Variants in ARFGEF2 observed in about 807,000 individuals in gnomAD.
ARFGEF2 encodes ARF guanine nucleotide exchange factor 2.
ARFGEF2 carries 74 observed loss-of-function variants against 219.9 expected under a neutral mutation model. The observed-to-expected ratio is 0.34, with a 90% CI of 0.28 to 0.41. The LOEUF is 0.41. Ranked by LOEUF, ARFGEF2 falls within the 10% of genes least tolerant of loss-of-function variation. The pLI, the probability that ARFGEF2 is intolerant of heterozygous loss-of-function variation, is 1.00. For synonymous variants in ARFGEF2, 733 were observed against 799.2 expected (o/e 0.92, Z 1.40); for missense variants, 1,743 against 2,218.3 (o/e 0.79, Z 4.30).
intron 1 of ARFGEF2, among the ~76,000 whole-genome samples, chr20:48,927,460 G>A (rs553178836): frequency 2.0e-5 from 3 of 152,240 alleles, no homozygotes; most frequent in South Asian, 2.1e-4. Context: ...AGGTCGAGGC[G>A]GGCGGCTCAG....
intron 35 of ARFGEF2, among the ~76,000 whole-genome samples, 161 bp downstream of exon 35, chr20:49,023,342 C>G (rs193168771): frequency 6.6e-6 from 1 of 152,100 alleles, no homozygotes. Flanking sequence ...TTAAAATTGG[C>G]CTTGATGGGA....
intron 14 of ARFGEF2, 22 bp from the exon 15 acceptor site, chr20:48,984,707 G>A (rs2091316620): frequency 6.2e-7 from 1 of 1,614,018 alleles, no homozygotes; most frequent in Non-Finnish European, 8.5e-7. Flanking sequence ...AGCAACTTGT[G>A]TCCCATCTCT....
At chr20:49,003,253 C>A (rs2091436235) in intron 25 of ARFGEF2, among the ~76,000 whole-genome samples, 1 of 151,380 alleles carries the variant, frequency 6.6e-6, no homozygotes, top group Non-Finnish European at 1.5e-5. Context: ...CAAGTGTGAG[C>A]CACCACACCC....
intron 20 of ARFGEF2, among the ~76,000 whole-genome samples, chr20:48,990,670 A>C (rs1366865269): frequency 6.6e-6 from 1 of 152,224 alleles, no homozygotes; most frequent in Non-Finnish European, 1.5e-5. Flanking sequence ...TCTCTGAGAC[A>C]CCAATTCATT....
chr20:48,985,552 G>A lies in ARFGEF2; in HGVS notation c.2215G>A (p.Ala739Thr). ...AGAAGGTTTCCGCCTACCTGGAGAA[G>A]CCCAAAAGATTGACCGATTAATGGA... ...FLEGFRLPGE[A>T]QKIDRLMEKF... Residue 739 changes from alanine to threonine, a missense_variant, in exon 16 of 39, where the codon GCC (alanine) becomes ACC (threonine). Around this residue, in one of 5 missense-constraint regions of ARFGEF2, gnomAD observed 666 missense variants for 955.4 expected, o/e 0.70. Transcript: ENST00000371917. The A allele has an allele frequency of 6.2e-7, 1 of 1,614,192 alleles. No homozygotes were observed. The highest frequency in any genetic ancestry group is 2.2e-5 in the East Asian group (1 of 44,884).
chr20:49,011,850 T>TGTGC (rs2091500597), intron 27 of ARFGEF2, 74 bp from the exon 28 acceptor site: 9 of 1,410,076 alleles, frequency 6.4e-6, no homozygotes, highest in Middle Eastern at 1.8e-4. Flanking sequence ...TGTGTGTGTG[T>TGTGC]GCACGCACGT....
Position 48,953,683 on chromosome 20 carries a change from C to T in ARFGEF2, c.731C>T (p.Thr244Ile). The change falls in exon 6 of 39, where the codon ACT (threonine) becomes ATT (isoleucine). Residue 244 changes from threonine to isoleucine, a missense_variant. Around this residue, in one of 5 missense-constraint regions of ARFGEF2, gnomAD observed 394 missense variants for 426.6 expected, o/e 0.92. Transcript: ENST00000371917. ...AGTCAGGCACAAAGCAAACCAACAA[C>T]TCCCGAAAAAACAGATTTAACCAAC... ...KHSQAQSKPT[T>I]PEKTDLTNGE... The T allele has an allele frequency of 1.9e-6, 3 of 1,614,140 alleles. No homozygotes were observed. Among genetic ancestry groups the T allele is most frequent in the Non-Finnish European group, 2.5e-6 (3 of 1,180,028 alleles).
chr20:48,938,662 A>G (rs1420444732), intron 1 of ARFGEF2, among the ~76,000 whole-genome samples: 2 of 152,124 alleles, frequency 1.3e-5, no homozygotes, highest in African/African-American at 4.8e-5. Flanking sequence ...ACCAGATCTT[A>G]TTTTTTCTAT....
At chr20:48,993,327 C>T (rs183027554) in intron 21 of ARFGEF2, among the ~76,000 whole-genome samples, 173 of 152,272 alleles carry the variant, frequency 1.1e-3, no homozygotes, top group Middle Eastern at 3.4e-3. Flanking sequence ...GTATTGGTGA[C>T]GTACTTGAGA....
intron 34 of ARFGEF2, among the ~76,000 whole-genome samples, chr20:49,020,696 T>G (rs1057205434): frequency 1.3e-5 from 2 of 152,210 alleles, no homozygotes; most frequent in African/African-American, 4.8e-5. Context: ...TCCTCCTGCC[T>G]TGGCCTCCCA....
In ARFGEF2 at chr20:48,976,026, G is replaced by A. The variant is rs1377999843; in HGVS notation, c.1785G>A (p.Arg595=). The A allele has an allele frequency of 3.7e-6, 6 of 1,612,168 alleles. No individual in the cohort carries two copies. The highest frequency in any genetic ancestry group is 1.3e-5 in the African/African-American group (1 of 74,808). ...TTTGTTTCTCCGCAGGTCAGGAGAGGCTCACGGATCAGGAAATAGGGGATG... is the reference window on the plus strand; with the variant it reads ...TTTGTTTCTCCGCAGGTCAGGAGAGACTCACGGATCAGGAAATAGGGGATG... ...PNHQTSLGQE[R]LTDQEIGDGK... Residue 595 remains arginine, a synonymous_variant, in exon 14 of 39, where the codon AGG becomes AGA. Transcript: ENST00000371917.
At position 48,970,406 on chromosome 20, in the gene ARFGEF2, C is replaced by G. The variant is rs532090622; in HGVS notation, c.1191-714C>G. Among the ~76,000 whole-genome samples, 24 of 152,040 alleles carry G rather than the reference C, an allele frequency of 1.6e-4. 1 individual carries two copies. The East Asian group carries it at 4.5e-3, about 28-fold the overall frequency. On this transcript the variant is annotated intron_variant, in intron 9 of 38. Coordinates refer to ENST00000371917, the MANE Select transcript of ARFGEF2 (RefSeq NM_006420.3). ...CGGGCGGATCATGAGGTCAAGAGATCGAGACCATCCTGGCCAACATGGTGA... is the reference window on the plus strand; with the variant it reads ...CGGGCGGATCATGAGGTCAAGAGATGGAGACCATCCTGGCCAACATGGTGA...
chr20:48,937,776 T>C (rs1448618186), intron 1 of ARFGEF2, among the ~76,000 whole-genome samples: 3 of 152,232 alleles, frequency 2.0e-5, no homozygotes, highest in Non-Finnish European at 4.4e-5. Context: ...CTGCTGCTGC[T>C]GCCAGTCCTG....
At chr20:48,926,159 A>C (rs1028409046) in intron 1 of ARFGEF2, among the ~76,000 whole-genome samples, 1 of 152,216 alleles carries the variant, frequency 6.6e-6, no homozygotes, top group African/African-American at 2.4e-5. Flanking sequence ...CCATAGTCCA[A>C]GATCTTAACT....
At chr20:49,022,142 G>A (rs1303528493) in intron 34 of ARFGEF2, among the ~76,000 whole-genome samples, 4 of 121,232 alleles carry the variant, frequency 3.3e-5, no homozygotes, top group South Asian at 2.9e-4. Flanking sequence ...GTGACAAAGC[G>A]AGACTCCGTC....
chr20:48,933,648 A>C (rs1192009042), intron 1 of ARFGEF2, among the ~76,000 whole-genome samples: 1 of 152,152 alleles, frequency 6.6e-6, no homozygotes, highest in Non-Finnish European at 1.5e-5. Context: ...AAATAAGAGC[A>C]AGAGAACTGA....
At chr20:49,030,637 G>A (rs1936903337) in intron 37 of ARFGEF2, among the ~76,000 whole-genome samples, 1 of 151,930 alleles carries the variant, frequency 6.6e-6, no homozygotes, top group Non-Finnish European at 1.5e-5. Flanking sequence ...ATTAAAGGAG[G>A]CACCAATGGC....
chr20:48,998,957 G>A (rs970417051), intron 25 of ARFGEF2, among the ~76,000 whole-genome samples: 17 of 152,022 alleles, frequency 1.1e-4, no homozygotes, highest in Non-Finnish European at 2.1e-4. Flanking sequence ...TAATATTTGG[G>A]CCGGGCGTAG....
At chr20:49,011,318 A>G (rs2091496352) in intron 27 of ARFGEF2, among the ~76,000 whole-genome samples, 1 of 152,234 alleles carries the variant, frequency 6.6e-6, no homozygotes, top group Admixed American at 6.5e-5. Context: ...CCTAAGAGCC[A>G]TGGTTCAGTA....
Sources: gnomAD v4.1 joint callset for allele counts (sites outside exome capture counted in the v4.1 genomes callset) on GRCh38, gnomAD v4.1.1 for gene constraint, gnomAD v4.1.1 regional missense constraint, MANE v1.5 for transcripts, NCBI Gene and HGNC (gene_info 2026-07-23, HGNC 2026-07-21) for gene names.